SNX29: variants seen among roughly 807,000 people sequenced by gnomAD.
The protein encoded by SNX29 is sorting nexin 29.
A neutral mutation model predicts 102.1 loss-of-function variants in SNX29; 78 were observed. The observed-to-expected ratio is 0.76, with a 90% confidence interval of 0.64 to 0.92. SNX29 has a LOEUF of 0.92. Ranked by LOEUF, SNX29 falls within the 40% of genes least tolerant of loss-of-function variation. The probability of loss-of-function intolerance (pLI) is 0.00; values close to 1 mark genes in which losing one functional copy is unlikely to be tolerated. For missense variants in SNX29, 1,280 were observed against 1,061.7 expected (o/e 1.21, Z -2.86); for synonymous variants, 580 against 414.5 (o/e 1.40, Z -4.85).
intron 13 of SNX29, among the ~76,000 whole-genome samples, chr16:12,158,346 T>G (rs1480717716): frequency 6.6e-6 from 1 of 152,066 alleles, no homozygotes; most frequent in Non-Finnish European, 1.5e-5. Flanking sequence ...ATTACAGACG[T>G]GCGCCACCAC....
rs140826635 is a variant in SNX29 at position 12,370,280 on chromosome 16, G to A, written c.1899+14001G>A. Among the ~76,000 whole-genome samples, 822 of 152,038 alleles carry A rather than the reference G, an allele frequency of 5.4e-3. 4 individuals are homozygous for A. Among genetic ancestry groups the A allele is most frequent in the Middle Eastern group, 0.017 (5 of 294 alleles). ...ACAATCAACAACAAAAATAAAGGTG[G>A]CTGGGTGCGGTGGCTCACACCTGTA... On this transcript the variant is annotated intron_variant, in intron 16 of 20. Transcript: ENST00000566228.
At chr16:12,338,092 T>C (rs976046660) in intron 15 of SNX29, among the ~76,000 whole-genome samples, 1 of 152,206 alleles carries the variant, frequency 6.6e-6, no homozygotes, top group Non-Finnish European at 1.5e-5. Flanking sequence ...TTTCTTAGCA[T>C]AAGTAGATTT....
rs1466078087 is a variant in SNX29 at position 11,976,776 on chromosome 16, C to T, written c.-31C>T. On this transcript the variant is annotated 5_prime_UTR_variant, in exon 1 of 21. Coordinates refer to ENST00000566228, the MANE Select transcript of SNX29 (RefSeq NM_032167.5). ...CGCAGAAGCGGCAGCGGCGGCGGCG[C>T]GGCGCAGGCACCGGCCCGGGGAGAG... 2 of 1,323,860 alleles carry T rather than the reference C, an allele frequency of 1.5e-6. No homozygotes were observed. The highest frequency in any genetic ancestry group is 1.9e-6 in the Non-Finnish European group (2 of 1,035,704). 82.0% of individuals were successfully genotyped at this position (1,323,860 alleles called of 1,614,324 possible).
Position 12,027,954 on chromosome 16 carries a change from A to T in SNX29, c.247+510A>T, listed in dbSNP as rs1596633448. Among the ~76,000 whole-genome samples the T allele has an allele frequency of 2.0e-5, 3 of 152,270 alleles. No individual in the cohort carries two copies. The South Asian group carries it at 6.2e-4, about 32-fold the overall frequency. ...AAGACTTGCACTTTGATGTAAATTA[A>T]CTCATTCAGTTCGATAGCCCTGTGA... On this transcript the variant is annotated intron_variant, in intron 4 of 20. Coordinates refer to ENST00000566228, the MANE Select transcript of SNX29 (RefSeq NM_032167.5).
chr16:12,168,541 C>T (rs2076069502), intron 13 of SNX29, among the ~76,000 whole-genome samples: 1 of 152,172 alleles, frequency 6.6e-6, no homozygotes, highest in African/African-American at 2.4e-5. Context: ...CTAGCATCTT[C>T]CCATAACTGA....
chr16:12,456,817 C>G (rs1339556813), intron 18 of SNX29, among the ~76,000 whole-genome samples: 1 of 152,236 alleles, frequency 6.6e-6, no homozygotes, highest in East Asian at 1.9e-4. Flanking sequence ...TGGAAAGGTT[C>G]TGAGCTGCTG....
intron 18 of SNX29, among the ~76,000 whole-genome samples, chr16:12,462,488 T>C (rs1400448340): frequency 6.6e-6 from 1 of 152,122 alleles, no homozygotes; most frequent in Non-Finnish European, 1.5e-5. Context: ...AATCTGGAAA[T>C]CTTGAAAGAA....
At chr16:12,287,134 C>G (rs998692152) in intron 15 of SNX29, among the ~76,000 whole-genome samples, 4 of 152,204 alleles carry the variant, frequency 2.6e-5, no homozygotes, top group Non-Finnish European at 4.4e-5. Context: ...TGGATGTGCC[C>G]TTTGCTTGGC....
At chr16:11,997,934 C>A (rs979183660) in intron 1 of SNX29, among the ~76,000 whole-genome samples, 3 of 152,214 alleles carry the variant, frequency 2.0e-5, no homozygotes, top group African/African-American at 7.2e-5. Flanking sequence ...CGAGCTTCAG[C>A]TTTCCCATCT....
intron 13 of SNX29, among the ~76,000 whole-genome samples, chr16:12,195,161 A>ATG (rs1033395154): frequency 4.6e-5 from 7 of 152,058 alleles, no homozygotes; most frequent in South Asian, 2.1e-4. Flanking sequence ...GTGAGTATAT[A>ATG]TGTGTGTGTG....
intron 13 of SNX29, among the ~76,000 whole-genome samples, chr16:12,182,731 A>T (rs1486108055): frequency 6.6e-6 from 1 of 151,924 alleles, no homozygotes; most frequent in Non-Finnish European, 1.5e-5. Context: ...GGAGTTCGAG[A>T]CCAGCCTGAC....
rs150494136 is a variant in SNX29, at chr16:12,011,678, C to T, written c.122+8635C>T. The stretch of plus-strand genomic sequence containing the variant: ...GCCATAATAAACATTATGTTAGCAC[C>T]GTCATCTTCGTCATGAACCTGACAG... On this transcript the variant is annotated intron_variant, in intron 3 of 20. Coordinates refer to ENST00000566228, the MANE Select transcript of SNX29 (RefSeq NM_032167.5). Among the ~76,000 whole-genome samples the T allele has an allele frequency of 7.9e-5, 12 of 152,108 alleles. No individual in the cohort carries two copies. In the East Asian group the frequency reaches 2.1e-3, roughly 27 times the overall value.
At position 12,568,736 on chromosome 16, in the gene SNX29, G is replaced by C; in HGVS notation, c.*107G>C. 1 of 1,463,766 alleles carries C rather than the reference G, an allele frequency of 6.8e-7. No homozygotes were observed. 90.7% of individuals were successfully genotyped at this position (1,463,766 alleles called of 1,614,324 possible). On this transcript the variant is annotated 3_prime_UTR_variant, in exon 21 of 21. Transcript: ENST00000566228. The stretch of plus-strand genomic sequence containing the variant: ...AGCGTGACAACCACGTCCACCTGGT[G>C]ATCCTGAGAGCACACGATTCCCAAC...
chr16:12,228,092 A>G (rs144583601), intron 14 of SNX29, among the ~76,000 whole-genome samples: 2 of 152,164 alleles, frequency 1.3e-5, no homozygotes, highest in East Asian at 3.9e-4. Flanking sequence ...ACTGGGCAAC[A>G]CAGTTGAGAC....
In SNX29 at chr16:12,061,490, T is replaced by C. The variant is rs779968650; in HGVS notation, c.1125-38T>C. On this transcript the variant is annotated intron_variant, in intron 8 of 20. Transcript: ENST00000566228. ...TTGGTGAGTCATGCGGCCTGTGGGCTCTTTGGCCTGTCCTGCAGCTGTATT... is the reference window on the plus strand; with the variant it reads ...TTGGTGAGTCATGCGGCCTGTGGGCCCTTTGGCCTGTCCTGCAGCTGTATT... 15 of 1,530,552 alleles carry C rather than the reference T, an allele frequency of 9.8e-6. No homozygotes were observed. In the Admixed American group the frequency reaches 2.9e-4, roughly 30 times the overall value. The allele number at this position is 1,530,552 out of a possible 1,614,324, so 94.8% of individuals were successfully genotyped here.
At chr16:12,192,758 A>G (rs1279740672) in intron 13 of SNX29, among the ~76,000 whole-genome samples, 1 of 152,198 alleles carries the variant, frequency 6.6e-6, no homozygotes, top group African/African-American at 2.4e-5. Flanking sequence ...GCTGGAGTTC[A>G]ATGGCACGAT....
intron 20 of SNX29, among the ~76,000 whole-genome samples, chr16:12,538,132 T>A (rs1289618929): frequency 6.6e-6 from 1 of 152,194 alleles, no homozygotes; most frequent in African/African-American, 2.4e-5. Flanking sequence ...TTTTTTATTT[T>A]TGAGACGGAG....
At chr16:12,549,861 C>G (rs368772406) in intron 20 of SNX29, among the ~76,000 whole-genome samples, 1 of 152,268 alleles carries the variant, frequency 6.6e-6, no homozygotes, top group African/African-American at 2.4e-5. Flanking sequence ...TGTGGTGAAA[C>G]AGCCAAAGAT....
At chr16:12,373,924 A>T (rs905847457) in intron 16 of SNX29, 2 of 152,214 alleles carry the variant, frequency 1.3e-5, no homozygotes, top group Admixed American at 6.5e-5. Context: ...GGTTTTCCTG[A>T]TGTCTCAATT....
Sources: allele counts gnomAD v4.1 joint callset (sites outside exome capture counted in the v4.1 genomes callset), GRCh38; gene constraint gnomAD v4.1.1; transcripts MANE v1.5; gene names NCBI Gene and HGNC (gene_info 2026-07-23, HGNC 2026-07-21).